Variants in TENM2 observed in about 807,000 individuals in gnomAD.
TENM2 encodes the protein teneurin-2.
TENM2 carries 52 observed loss-of-function variants against 245.2 expected under a neutral mutation model. The ratio of observed to expected loss-of-function variants is 0.21; its 90% CI spans 0.17 to 0.27. The LOEUF is 0.27. Ranked by LOEUF, TENM2 falls within the 10% of genes least tolerant of loss-of-function variation. TENM2 has a pLI of 1.00. For missense variants in TENM2, 3,046 were observed against 3,666.8 expected, an observed-to-expected ratio of 0.83 and a Z score of 4.37; for synonymous variants, 1,363 against 1,438.9, an observed-to-expected ratio of 0.95 and a Z score of 1.19.
chr5:167,631,605 A>T (rs1778879191), intron 2 of TENM2, among the ~76,000 whole-genome samples: 1 of 152,166 alleles, frequency 6.6e-6, no homozygotes, highest in Admixed American at 6.5e-5. Context: ...TTAAAAGCAC[A>T]GAAATGAGCT....
chr5:167,935,518 A>G (rs1343298034), intron 3 of TENM2, among the ~76,000 whole-genome samples: 4 of 152,202 alleles, frequency 2.6e-5, no homozygotes, highest in Non-Finnish European at 5.9e-5. Flanking sequence ...TCAGTCATGT[A>G]ACAGACCTTG....
chr5:167,601,217 A>G (rs1776611535), intron 2 of TENM2, among the ~76,000 whole-genome samples: 1 of 152,260 alleles, frequency 6.6e-6, no homozygotes, highest in African/African-American at 2.4e-5. Context: ...GCCATTGGAG[A>G]GTGTTCAATA....
chr5:167,434,323 A>G (rs1764414759), intron 2 of TENM2, among the ~76,000 whole-genome samples: 1 of 144,800 alleles, frequency 6.9e-6, no homozygotes, highest in African/African-American at 2.5e-5. Flanking sequence ...CTGAGGTAGG[A>G]GAATCGATTG....
chr5:167,444,248 A>G (rs1378470435), intron 2 of TENM2, among the ~76,000 whole-genome samples: 1 of 151,458 alleles, frequency 6.6e-6, no homozygotes, highest in Non-Finnish European at 1.5e-5. Context: ...TCCAGTAGAT[A>G]TGTCTCAAAG....
chr5:167,972,791 T>G (rs954281054), intron 4 of TENM2, among the ~76,000 whole-genome samples: 14 of 152,200 alleles, frequency 9.2e-5, no homozygotes, highest in African/African-American at 3.1e-4. Context: ...GGATTTTTTT[T>G]CAAGTAATAA....
rs190853970 is a variant in TENM2, at chr5:168,080,959, G to T, written c.1516-9615G>T. Reference sequence around the variant, plus strand: ...ATGTCTATTAGGTCTACTTGGTGCAGAGCTGAGTTCAATTCCTGGATATCC... The same window carrying T: ...ATGTCTATTAGGTCTACTTGGTGCATAGCTGAGTTCAATTCCTGGATATCC... On this transcript the variant is annotated intron_variant, in intron 7 of 28. Transcript: ENST00000518659. Among the ~76,000 whole-genome samples, 5 of 152,286 alleles carry T rather than the reference G, an allele frequency of 3.3e-5. No homozygotes were observed. The East Asian group carries it at 7.7e-4, about 24-fold the overall frequency.
intron 2 of TENM2, among the ~76,000 whole-genome samples, chr5:167,515,968 C>A (rs148802430): frequency 4.1e-4 from 63 of 152,178 alleles, no homozygotes; most frequent in African/African-American, 1.5e-3. Context: ...GAACTCTCTA[C>A]CAGTCTTTGC....
chr5:167,655,098 G>A (rs973171743), intron 2 of TENM2, among the ~76,000 whole-genome samples: 16 of 152,080 alleles, frequency 1.1e-4, no homozygotes, highest in African/African-American at 3.4e-4. Flanking sequence ...TCTTGTTTGC[G>A]CTAGTGTTGG....
At chr5:168,248,455 T>C in intron 27 of TENM2, 84 bp downstream of exon 29, 1 of 1,377,572 alleles carries the variant, frequency 7.3e-7, no homozygotes, top group East Asian at 2.4e-5. Context: ...AGGTCTCCCA[T>C]CTTATGGTAG....
chr5:167,688,331 G>A (rs891916637), intron 2 of TENM2, among the ~76,000 whole-genome samples: 2 of 151,980 alleles, frequency 1.3e-5, no homozygotes, highest in African/African-American at 4.8e-5. Flanking sequence ...ATTCTTCTGT[G>A]GCATCATTTT....
intron 15 of TENM2, among the ~76,000 whole-genome samples, chr5:168,195,551 CGTGT>C (rs35040257): frequency 0.14 from 13,376 of 97,866 alleles, 981 homozygotes; most frequent in Middle Eastern, 0.24. Flanking sequence ...GGTCAATGCA[CGTGT>C]GTGTGTGTGT....
chr5:167,320,184 G>C (rs1311136491), intron 1 of TENM2, among the ~76,000 whole-genome samples: 1 of 152,138 alleles, frequency 6.6e-6, no homozygotes, highest in Non-Finnish European at 1.5e-5. Flanking sequence ...TATGCTTATA[G>C]CCTCAGGAAT....
intron 2 of TENM2, among the ~76,000 whole-genome samples, chr5:167,863,963 C>A (rs1772076585): frequency 1.3e-5 from 2 of 152,176 alleles, no homozygotes; most frequent in Admixed American, 6.5e-5. Flanking sequence ...CTCTCATTTA[C>A]ATTTTCAATT....
the TENM2 span, among the ~76,000 whole-genome samples, chr5:167,128,579 C>T: frequency 6.6e-6 from 1 of 151,868 alleles, no homozygotes; most frequent in Non-Finnish European, 1.5e-5. Context: ...CCCCTGTTCC[C>T]TCTTTCACCT....
chr5:167,464,701 A>T (rs1766530079), intron 2 of TENM2, among the ~76,000 whole-genome samples: 1 of 152,206 alleles, frequency 6.6e-6, no homozygotes, highest in Non-Finnish European at 1.5e-5. Flanking sequence ...TTAAAGACAG[A>T]ACCCTGGAAC....
the TENM2 span, among the ~76,000 whole-genome samples, chr5:167,122,216 G>A: frequency 6.6e-6 from 1 of 152,064 alleles, no homozygotes; most frequent in Non-Finnish European, 1.5e-5. Flanking sequence ...GTCCCAATTT[G>A]TGTATTTACC....
chr5:167,332,376 G>T (rs1757510467), intron 1 of TENM2, among the ~76,000 whole-genome samples: 1 of 151,990 alleles, frequency 6.6e-6, no homozygotes. Context: ...TGTCAAAATT[G>T]CTTCCTGTGC....
At chr5:168,223,975 C>T (rs539710300) in intron 23 of TENM2, among the ~76,000 whole-genome samples, 1 of 152,168 alleles carries the variant, frequency 6.6e-6, no homozygotes, top group East Asian at 1.9e-4. Flanking sequence ...CACTTCCACT[C>T]AACACGTGTA....
At chr5:167,200,725 G>A in the TENM2 span, among the ~76,000 whole-genome samples, 2 of 151,962 alleles carry the variant, frequency 1.3e-5, no homozygotes, top group Admixed American at 6.6e-5. Context: ...GTGTGGCAGC[G>A]GCTACTTCAG....
Sources: gnomAD v4.1 joint callset for allele counts (sites outside exome capture counted in the v4.1 genomes callset) on GRCh38, gnomAD v4.1.1 for gene constraint, MANE v1.5 for transcripts, NCBI Gene and HGNC (gene_info 2026-07-23, HGNC 2026-07-21) for gene names.